The following UBE4B variants were observed in gnomAD, a reference collection of about 807,000 sequenced individuals.
UBE4B encodes the protein ubiquitination factor E4B, also known as ubiquitin conjugation factor E4 B.
In UBE4B, 27 loss-of-function variants were observed where a neutral mutation model predicts 148.1. The observed-to-expected ratio is 0.18, with a 90% CI of 0.13 to 0.25. UBE4B has a LOEUF of 0.25. Ranked by LOEUF, UBE4B falls within the 10% of genes least tolerant of loss-of-function variation. The pLI, the probability that UBE4B is intolerant of heterozygous loss-of-function variation, is 1.00. For synonymous variants in UBE4B, 596 were observed against 619.3 expected, an observed-to-expected ratio of 0.96 and a Z score of 0.56; for missense variants, 1,170 against 1,662.4, an observed-to-expected ratio of 0.70 and a Z score of 5.15.
chr1:10,105,418 C>T, intron 5 of UBE4B, 98 bp from the exon 6 acceptor site: 2 of 965,184 alleles, frequency 2.1e-6, no homozygotes, highest in East Asian at 2.4e-5. Context: ...ATCCAGGATA[C>T]TGCATCGAAC....
At chr1:10,109,649 C>G (rs1030481112) in intron 7 of UBE4B, among the ~76,000 whole-genome samples, 1 of 151,842 alleles carries the variant, frequency 6.6e-6, no homozygotes, top group African/African-American at 2.4e-5. Context: ...AGCAAAAAAC[C>G]TTGTTACTTT....
At chr1:10,134,276 C>T (rs1263267932) in intron 15 of UBE4B, among the ~76,000 whole-genome samples, 4 of 151,158 alleles carry the variant, frequency 2.6e-5, no homozygotes, top group Admixed American at 1.3e-4. Context: ...TTTGGGAGGC[C>T]GAGACGGGCG....
chr1:10,119,254 T>G (rs1205014120), intron 8 of UBE4B, among the ~76,000 whole-genome samples: 1 of 152,152 alleles, frequency 6.6e-6, no homozygotes, highest in Non-Finnish European at 1.5e-5. Flanking sequence ...ATTACAGGTG[T>G]GAGCCACCGC....
chr1:10,043,333 A>C (rs1463580029), intron 1 of UBE4B, among the ~76,000 whole-genome samples: 1 of 150,446 alleles, frequency 6.6e-6, no homozygotes, highest in Admixed American at 6.7e-5. Flanking sequence ...ACTTACTGAG[A>C]TCTCAACTGT....
rs114056989 is a variant in UBE4B at position 10,114,574 on chromosome 1, C to A, written c.1197-2885C>A. ...CAAAAAATTAGTTGCTATAAAGACA[C>A]AATAATTGGCCAGGTGCTGTGGCTC... On this transcript the variant is annotated intron_variant, in intron 7 of 27. Coordinates refer to ENST00000343090, the MANE Select transcript of UBE4B (RefSeq NM_001105562.3). Among the ~76,000 whole-genome samples, 1,500 of 152,090 alleles carry A rather than the reference C, an allele frequency of 9.9e-3. 26 individuals are homozygous for A. The highest frequency in any genetic ancestry group is 0.034 in the African/African-American group (1,411 of 41,508).
At chr1:10,040,533 A>T (rs949360216) in intron 1 of UBE4B, among the ~76,000 whole-genome samples, 1 of 151,546 alleles carries the variant, frequency 6.6e-6, no homozygotes, top group African/African-American at 2.4e-5. Context: ...TTGCAAGTTT[A>T]ATTTTGGACC....
In UBE4B at chr1:10,147,002, C is replaced by T; in HGVS notation, c.2503C>T (p.Leu835Phe). 6.2e-7 allele frequency: 1 copy of T among 1,614,168 alleles called. No individual in the cohort carries two copies. The highest frequency in any genetic ancestry group is 8.5e-7 in the Non-Finnish European group (1 of 1,180,028). Reference sequence around the variant, plus strand: ...CAAGGCCTGTGCTGATGCTGGCCTACTTGACGAGAGCTTCCTGAGAAGATG... The same window carrying T: ...CAAGGCCTGTGCTGATGCTGGCCTATTTGACGAGAGCTTCCTGAGAAGATG... ...RCKACADAGL[L>F]DESFLRRCLN... Residue 835 changes from leucine to phenylalanine, a missense_variant, in exon 19 of 28, where the codon CTT becomes TTT. Around this residue, in one of 6 missense-constraint regions of UBE4B, gnomAD observed 348 missense variants for 627.2 expected, o/e 0.55. Transcript: ENST00000343090.
intron 1 of UBE4B, among the ~76,000 whole-genome samples, chr1:10,057,402 C>A (rs561480040): frequency 1.3e-5 from 2 of 150,712 alleles, no homozygotes; most frequent in Non-Finnish European, 1.5e-5. Context: ...TGAGAAAATA[C>A]CATTTACAGT....
rs551035354 is a variant in UBE4B, at chr1:10,148,054, C to T, written c.2591+964C>T. On this transcript the variant is annotated intron_variant, in intron 19 of 27. Coordinates refer to ENST00000343090, the MANE Select transcript of UBE4B (RefSeq NM_001105562.3). ...CATCTTTGCTAACACGGTGAAACCCCGTCTCTACTAAAAATACAAAAAATT... is the reference window on the plus strand; with the variant it reads ...CATCTTTGCTAACACGGTGAAACCCTGTCTCTACTAAAAATACAAAAAATT... Among the ~76,000 whole-genome samples, 10 of 152,076 alleles carry T rather than the reference C, an allele frequency of 6.6e-5. No homozygotes were observed. The South Asian group carries it at 1.9e-3, about 28-fold the overall frequency.
rs1260844331 is a variant in UBE4B, at chr1:10,041,365, G to A, written c.24+7671G>A. Among the ~76,000 whole-genome samples the A allele has an allele frequency of 1.4e-4, 19 of 135,488 alleles. 1 individual carries two copies. Among genetic ancestry groups the A allele is most frequent in the Non-Finnish European group, 9.2e-5 (6 of 65,092 alleles). 88.9% of individuals were successfully genotyped at this position (135,488 alleles called of 152,430 possible). On this transcript the variant is annotated intron_variant, in intron 1 of 27. Transcript: ENST00000343090. ...TTTTTTTTTTTTTTGATGGAGTTTC[G>A]CTCTCGTCACTCAGGCTTGAGTGCA...
chr1:10,119,344 A>G (rs538344865), intron 8 of UBE4B, among the ~76,000 whole-genome samples, 169 bp from the exon 9 acceptor site: 32 of 152,338 alleles, frequency 2.1e-4, no homozygotes, highest in African/African-American at 7.5e-4. Flanking sequence ...CAGTTTCTGC[A>G]GAGGCAGTAC....
chr1:10,054,517 TG>T, intron 1 of UBE4B: 2 of 380,666 alleles, frequency 5.3e-6, no homozygotes, highest in South Asian at 5.0e-5. Context: ...TGTGCTTCTC[TG>T]GTACCTTTCT....
In UBE4B at chr1:10,033,647, C is replaced by T; in HGVS notation, c.-24C>T. ...AGAACAGAAGGATCTCTCCTTAACG[C>T]CTTTCACCATTAAGAGGAAAGCGAT... On this transcript the variant is annotated 5_prime_UTR_variant, in exon 1 of 28. Coordinates refer to ENST00000343090, the MANE Select transcript of UBE4B (RefSeq NM_001105562.3). 1 of 1,560,852 alleles carries T rather than the reference C, an allele frequency of 6.4e-7. No individual in the cohort carries two copies. Among genetic ancestry groups the T allele is most frequent in the South Asian group, 1.2e-5 (1 of 84,648 alleles).
Position 10,168,188 on chromosome 1 carries a change from G to T in UBE4B, c.3251G>T (p.Arg1084Leu). ...CTTGCTCAGGATGAGCGTGTGTCCCGCTCTTACCTCGCCCTGGCCACCGAA... is the reference window on the plus strand; with the variant it reads ...CTTGCTCAGGATGAGCGTGTGTCCCTCTCTTACCTCGCCCTGGCCACCGAA... ...SQLAQDERVS[R>L]SYLALATETV... is the part of the protein sequence containing the mutation. Residue 1084 changes from arginine (R) to leucine (L), a missense_variant, in exon 24 of 28, where the codon CGC (arginine) becomes CTC (leucine). This residue lies in a region of UBE4B where 348 missense variants were observed against 627.2 expected (regional missense o/e 0.55). Coordinates refer to ENST00000343090, the MANE Select transcript of UBE4B (RefSeq NM_001105562.3). The surrounding 1 kb of genome is among the most constrained non-coding windows in gnomAD (Gnocchi z 4.9). 6.2e-7 allele frequency: 1 copy of T among 1,614,052 alleles called. No individual in the cohort carries two copies.
In UBE4B at chr1:10,033,569, AC is replaced by A; in HGVS notation, c.-100del. The A allele has an allele frequency of 7.4e-7, 1 of 1,342,892 alleles. No homozygotes were observed. The highest frequency in any genetic ancestry group is 9.8e-7 in the Non-Finnish European group (1 of 1,018,816). The allele number at this position is 1,342,892 out of a possible 1,614,324, so 83.2% of individuals were successfully genotyped here. A position where few individuals can be genotyped will look rare whatever the true frequency, so the allele number is the denominator to read the frequency against. ...TTCTGAAACCTCCCCCATTCGGGGG[AC>A]CAGACAGCCTGATAGACACCTTCCA... On this transcript the variant is annotated 5_prime_UTR_variant, in exon 1 of 28. Transcript: ENST00000343090.
At chr1:10,175,487 T>TAAA (rs1275828007) in intron 25 of UBE4B, among the ~76,000 whole-genome samples, 1 of 143,510 alleles carries the variant, frequency 7.0e-6, no homozygotes, top group Non-Finnish European at 1.5e-5. Flanking sequence ...CCATCTCTAC[T>TAAA]AAAAATACAA....
intron 4 of UBE4B, among the ~76,000 whole-genome samples, chr1:10,101,799 G>A (rs181632674): frequency 1.1e-4 from 16 of 152,202 alleles, no homozygotes; most frequent in Admixed American, 5.2e-4. Context: ...GAGCCACTGC[G>A]CCTGGCCTGG....
intron 3 of UBE4B, among the ~76,000 whole-genome samples, chr1:10,096,163 C>T (rs193250408): frequency 1.3e-5 from 2 of 152,280 alleles, no homozygotes; most frequent in East Asian, 3.9e-4. Context: ...ATAAAGTTGG[C>T]AAGCATATGC....
Position 10,179,291 on chromosome 1 carries a change from G to C in UBE4B, c.3701-125G>C, listed in dbSNP as rs990378578. On this transcript the variant is annotated intron_variant, in intron 26 of 27. Transcript: ENST00000343090. Reference sequence around the variant, plus strand: ...GGCTGATTTCCTTCTAAACCTGGGGGCCTCACAGGGGCCCTTTGATTGCTG... The same window carrying C: ...GGCTGATTTCCTTCTAAACCTGGGGCCCTCACAGGGGCCCTTTGATTGCTG... 3.3e-6 allele frequency: 4 copies of C among 1,196,282 alleles called. No individual in the cohort carries two copies. The African/African-American group carries it at 6.1e-5, about 18-fold the overall frequency. The allele number at this position is 1,196,282 out of a possible 1,614,324, so 74.1% of individuals were successfully genotyped here. A position where few individuals can be genotyped will look rare whatever the true frequency, so the allele number is the denominator to read the frequency against.
Sources: allele counts gnomAD v4.1 joint callset (sites outside exome capture counted in the v4.1 genomes callset), GRCh38; gene constraint gnomAD v4.1.1; regional missense constraint gnomAD v4.1.1; non-coding constraint Gnocchi (gnomAD v3.1); transcripts MANE v1.5; gene names NCBI Gene and HGNC (gene_info 2026-07-23, HGNC 2026-07-21).